The following CAMK4 variants were observed in gnomAD, a reference collection of about 807,000 sequenced individuals.
CAMK4 encodes calcium/calmodulin-dependent protein kinase type IV.
In CAMK4, 22 loss-of-function variants were observed where a neutral mutation model predicts 44.9. That is an observed-to-expected ratio of 0.49 (90% CI 0.35 to 0.70). CAMK4 has a LOEUF of 0.70. CAMK4 is among the 30% of genes least tolerant of loss of function. The probability of loss-of-function intolerance (pLI) is 0.01; values close to 1 mark genes in which losing one functional copy is unlikely to be tolerated. For synonymous variants in CAMK4, 218 were observed against 215.4 expected (o/e 1.01, Z -0.11); for missense variants, 498 against 586.8 (o/e 0.85, Z 1.56).
At chr5:111,424,174 A>G (rs1241846659) in intron 5 of CAMK4, among the ~76,000 whole-genome samples, 2 of 152,212 alleles carry the variant, frequency 1.3e-5, no homozygotes, top group Non-Finnish European at 2.9e-5. Flanking sequence ...GGAATTCAGG[A>G]GGTAAGACTG....
intron 7 of CAMK4, among the ~76,000 whole-genome samples, chr5:111,471,895 A>G (rs1755079269): frequency 6.6e-6 from 1 of 151,396 alleles, no homozygotes; most frequent in South Asian, 2.1e-4. Context: ...TCACTTATTT[A>G]TTTATTTATT....
chr5:111,404,318 G>A (rs975190130), intron 5 of CAMK4, among the ~76,000 whole-genome samples: 1 of 152,196 alleles, frequency 6.6e-6, no homozygotes, highest in Non-Finnish European at 1.5e-5. Flanking sequence ...ACTCAAGTGT[G>A]CAGCCTCTGT....
chr5:111,231,580 A>G (rs936453770), intron 1 of CAMK4, among the ~76,000 whole-genome samples: 2 of 152,204 alleles, frequency 1.3e-5, no homozygotes, highest in African/African-American at 4.8e-5. Context: ...AGATTGATAG[A>G]TTATGTTAAT....
intron 1 of CAMK4, among the ~76,000 whole-genome samples, chr5:111,340,615 A>G (rs1221399788): frequency 6.6e-6 from 1 of 151,294 alleles, no homozygotes; most frequent in Non-Finnish European, 1.5e-5. Flanking sequence ...TCAGTTTGCT[A>G]GTATTTTGTT....
At chr5:111,453,172 GA>G (rs1236036844) in intron 7 of CAMK4, among the ~76,000 whole-genome samples, 3 of 152,182 alleles carry the variant, frequency 2.0e-5, no homozygotes, top group African/African-American at 7.2e-5. Context: ...GGGAGCCAAA[GA>G]GGGGGTAGGA....
intron 1 of CAMK4, among the ~76,000 whole-genome samples, chr5:111,287,838 A>G (rs1033277910): frequency 9.9e-5 from 15 of 152,220 alleles, no homozygotes; most frequent in African/African-American, 3.1e-4. Context: ...TATAAAATAT[A>G]GATATGCTCC....
chr5:111,282,200 A>G (rs1032636273), intron 1 of CAMK4, among the ~76,000 whole-genome samples: 1 of 152,208 alleles, frequency 6.6e-6, no homozygotes, highest in African/African-American at 2.4e-5. Context: ...CTACTGGGCC[A>G]CTCTGATAGA....
chr5:111,329,045 C>T (rs562500964), intron 1 of CAMK4, among the ~76,000 whole-genome samples: 16 of 151,944 alleles, frequency 1.1e-4, no homozygotes, highest in Admixed American at 7.2e-4. Context: ...AAGTGGGCTT[C>T]ATCCCTGGGT....
chr5:111,284,420 T>C (rs1343937419), intron 1 of CAMK4, among the ~76,000 whole-genome samples: 1 of 152,230 alleles, frequency 6.6e-6, no homozygotes, highest in East Asian at 1.9e-4. Context: ...ATCATGGCTT[T>C]CCTCAGAATC....
intron 8 of CAMK4, among the ~76,000 whole-genome samples, chr5:111,473,899 C>T (rs757499337): frequency 1.5e-4 from 23 of 152,072 alleles, no homozygotes; most frequent in Non-Finnish European, 3.1e-4. Flanking sequence ...TAACACCCTA[C>T]ACAAATTTCT....
In CAMK4 at chr5:111,484,388, A is replaced by G. The variant is rs1411108434; in HGVS notation, c.1344A>G (p.Ala448=). 1.3e-6 allele frequency: 2 copies of G among 1,589,606 alleles called. No individual in the cohort carries two copies. The highest frequency in any genetic ancestry group is 1.7e-6 in the Non-Finnish European group (2 of 1,169,106). The change falls in exon 11 of 11, where the codon GCA becomes GCG. Residue 448 remains alanine (A), a synonymous_variant. Transcript: ENST00000282356. The surrounding 1 kb of genome is among the most constrained non-coding windows in gnomAD (Gnocchi z 5.3). ...AGCTGAAGACTGTGGAGGAGGCAGC[A>G]GCTCCCAGAGAAGGGCAAGGAAGCT... ...EEKLKTVEEA[A]APREGQGSSA... is the part of the protein sequence containing the mutation.
chr5:111,320,576 T>TGCTCACCACAACCTCC (rs1459313752), intron 1 of CAMK4, among the ~76,000 whole-genome samples: 4 of 152,272 alleles, frequency 2.6e-5, no homozygotes, highest in African/African-American at 9.6e-5. Context: ...GCACAATCTC[T>TGCTCACCACAACCTCC]GCTCACCACA....
chr5:111,399,157 A>G (rs1054857943), intron 5 of CAMK4, among the ~76,000 whole-genome samples: 43 of 152,160 alleles, frequency 2.8e-4, no homozygotes, highest in Middle Eastern at 3.4e-3. Flanking sequence ...CATCACCCCA[A>G]CATCACTGAC....
chr5:111,317,891 T>G (rs1748493850), intron 1 of CAMK4, among the ~76,000 whole-genome samples: 1 of 68,204 alleles, frequency 1.5e-5, no homozygotes, highest in South Asian at 4.6e-4. Flanking sequence ...GCCGGTGGAG[T>G]AATATGTAAA....
At chr5:111,224,369 T>C, upstream of CAMK4, 2 of 1,345,040 alleles carry the variant, frequency 1.5e-6, no homozygotes, top group Non-Finnish European at 1.9e-6. This position sits in a 1 kb window ranked among gnomAD's most constrained non-coding sequence, Gnocchi z 5.7. Context: ...TGTGCGCGCG[T>C]GAAGGACGCC....
intron 1 of CAMK4, among the ~76,000 whole-genome samples, chr5:111,295,407 C>T (rs561493579): frequency 5.7e-4 from 87 of 152,166 alleles, no homozygotes; most frequent in Non-Finnish European, 7.1e-4. Flanking sequence ...GAAAGTGAAC[C>T]GTGGGAATTT....
chr5:111,226,020 C>T (rs994775357), intron 1 of CAMK4, among the ~76,000 whole-genome samples: 8 of 152,146 alleles, frequency 5.3e-5, no homozygotes, highest in Non-Finnish European at 1.0e-4. Flanking sequence ...TGATGCGTGA[C>T]AGTGGAACCA....
chr5:111,349,231 A>G (rs1359388016), intron 2 of CAMK4, among the ~76,000 whole-genome samples: 1 of 151,810 alleles, frequency 6.6e-6, no homozygotes, highest in Non-Finnish European at 1.5e-5. Flanking sequence ...TGCATGCTAC[A>G]TTATCTTGTA....
intron 5 of CAMK4, among the ~76,000 whole-genome samples, chr5:111,400,593 AT>A (rs1266600087): frequency 6.6e-6 from 1 of 151,610 alleles, no homozygotes; most frequent in Non-Finnish European, 1.5e-5. Context: ...TGCCCCACAT[AT>A]TTTACAGTAT....
Sources: gnomAD v4.1 joint callset for allele counts (sites outside exome capture counted in the v4.1 genomes callset) on GRCh38, gnomAD v4.1.1 for gene constraint, Gnocchi (gnomAD v3.1) non-coding constraint, MANE v1.5 for transcripts, NCBI Gene and HGNC (gene_info 2026-07-23, HGNC 2026-07-21) for gene names.